The following DGKI variants were observed in gnomAD, a reference collection of about 807,000 sequenced individuals.
DGKI encodes the protein DAG kinase iota.
A neutral mutation model predicts 147.5 loss-of-function variants in DGKI; 55 were observed. That is an observed-to-expected ratio of 0.37 (90% CI 0.30 to 0.47). The LOEUF (loss-of-function observed/expected upper bound fraction) is 0.47. DGKI is among the 20% of genes least tolerant of loss of function. DGKI has a pLI of 1.00. For synonymous variants in DGKI, 469 were observed against 477.1 expected (o/e 0.98, Z 0.22); for missense variants, 1,007 against 1,323.8 (o/e 0.76, Z 3.71).
chr7:137,578,466 G>C, intron 15 of DGKI, 141 bp from the exon 16 acceptor site: 1 of 651,740 alleles, frequency 1.5e-6, no homozygotes, highest in Non-Finnish European at 2.8e-6. Flanking sequence ...CTTTCCCCCA[G>C]TTCCAGGCCA....
rs113044571 is a variant in DGKI at position 137,654,371 on chromosome 7, C to T, written c.738+361G>A. On this transcript the variant is annotated intron_variant, in intron 5 of 32. Transcript: ENST00000614521. ...TATACCCACTCAAAATTGAAAAATG[C>T]ACTTAAAATCAACCAGAACACATGG... Among the ~76,000 whole-genome samples the T allele has an allele frequency of 8.2e-3, 1,250 of 152,236 alleles. 19 individuals are homozygous for T. Among genetic ancestry groups the T allele is most frequent in the African/African-American group, 0.029 (1,210 of 41,542 alleles).
chr7:137,541,200 T>C (rs1056934975), intron 20 of DGKI, among the ~76,000 whole-genome samples: 5 of 152,160 alleles, frequency 3.3e-5, no homozygotes, highest in African/African-American at 4.8e-5. Flanking sequence ...CATAGGTCAA[T>C]GGCACAGAAT....
At chr7:137,755,920 C>G (rs975423748) in intron 1 of DGKI, among the ~76,000 whole-genome samples, 1 of 152,178 alleles carries the variant, frequency 6.6e-6, no homozygotes, top group African/African-American at 2.4e-5. Context: ...GGTTCCTGGT[C>G]CAGTTCCTAA....
At chr7:137,392,140 A>AT (rs946151966) in intron 32 of DGKI, among the ~76,000 whole-genome samples, 19 of 152,122 alleles carry the variant, frequency 1.2e-4, no homozygotes, top group African/African-American at 3.6e-4. Context: ...TTTGTCATTA[A>AT]TTTTTTACAT....
At chr7:137,825,892 T>A (rs1798044791) in intron 1 of DGKI, among the ~76,000 whole-genome samples, 1 of 152,236 alleles carries the variant, frequency 6.6e-6, no homozygotes, top group African/African-American at 2.4e-5. Flanking sequence ...ACACTTTTTT[T>A]CATTTAAAAT....
intron 1 of DGKI, 38 bp from the exon 2 acceptor site, chr7:137,690,040 A>C (rs768666268): frequency 3.3e-6 from 5 of 1,529,192 alleles, no homozygotes; most frequent in Non-Finnish European, 4.4e-6. Flanking sequence ...AAACAAAGAA[A>C]AACCAACATC....
At chr7:137,504,788 T>C (rs190643818) in intron 21 of DGKI, among the ~76,000 whole-genome samples, 32 of 151,928 alleles carry the variant, frequency 2.1e-4, no homozygotes, top group African/African-American at 6.8e-4. Context: ...AGAAATAACA[T>C]AGGAGAAAAG....
At position 137,412,221 on chromosome 7, in the gene DGKI, A is replaced by C; in HGVS notation, c.2762-14T>G. 2 of 1,612,266 alleles carry C rather than the reference A, an allele frequency of 1.2e-6. No homozygotes were observed. The highest frequency in any genetic ancestry group is 8.5e-7 in the Non-Finnish European group (1 of 1,178,326). Reference sequence around the variant, plus strand: ...CCTGCAAAATTGCTGTGAAAGACAAAAGAGAGATGTCCCATTAGTAGAAGA... The same window carrying C: ...CCTGCAAAATTGCTGTGAAAGACAACAGAGAGATGTCCCATTAGTAGAAGA... On this transcript the variant is annotated splice_polypyrimidine_tract_variant and intron_variant, in intron 28 of 32. Transcript: ENST00000614521.
At chr7:137,471,331 C>A (rs1406144350) in intron 23 of DGKI, among the ~76,000 whole-genome samples, 1 of 152,082 alleles carries the variant, frequency 6.6e-6, no homozygotes, top group Non-Finnish European at 1.5e-5. Context: ...GCAGCTGAAG[C>A]CGCAGGTGTG....
intron 3 of DGKI, among the ~76,000 whole-genome samples, chr7:137,668,167 G>A (rs765950374): frequency 3.9e-5 from 6 of 152,204 alleles, no homozygotes; most frequent in Non-Finnish European, 8.8e-5. Flanking sequence ...TAAGAAATAT[G>A]ATATTTAACG....
At chr7:137,620,555 A>G (rs1375974007) in intron 7 of DGKI, among the ~76,000 whole-genome samples, 1 of 152,180 alleles carries the variant, frequency 6.6e-6, no homozygotes, top group African/African-American at 2.4e-5. Context: ...ACAAAGTACA[A>G]AGAGATTGCT....
At chr7:137,738,379 A>G (rs1454446639) in intron 1 of DGKI, among the ~76,000 whole-genome samples, 2 of 152,150 alleles carry the variant, frequency 1.3e-5, no homozygotes, top group Non-Finnish European at 2.9e-5. Context: ...TATACAAAGG[A>G]GAACTTTGGG....
chr7:137,675,618 G>A (rs1450986740), intron 3 of DGKI, among the ~76,000 whole-genome samples: 1 of 150,058 alleles, frequency 6.7e-6, no homozygotes, highest in Non-Finnish European at 1.5e-5. Context: ...CCGGGAGGCG[G>A]AGGTTGCAGT....
At chr7:137,628,890 GA>G (rs1172272802) in intron 6 of DGKI, among the ~76,000 whole-genome samples, 2 of 149,884 alleles carry the variant, frequency 1.3e-5, no homozygotes, top group East Asian at 1.9e-4. Context: ...GCTGAAACCA[GA>G]AAAAAAAAGG....
intron 24 of DGKI, among the ~76,000 whole-genome samples, chr7:137,468,819 A>G (rs1002892970): frequency 4.6e-5 from 7 of 152,146 alleles, no homozygotes; most frequent in African/African-American, 1.7e-4. Context: ...ATATCCTCTC[A>G]GATGCTCACC....
chr7:137,846,802 G>GGGCAGGTCCGCGCGCCGCT lies in DGKI; in HGVS notation c.42_60dup (p.Arg21SerfsTer157), dbSNP rs1185883005. The GGGCAGGTCCGCGCGCCGCT allele has an allele frequency of 6.2e-6, 7 of 1,121,454 alleles. No individual in the cohort carries two copies. Among genetic ancestry groups the GGGCAGGTCCGCGCGCCGCT allele is most frequent in the Non-Finnish European group, 7.6e-6 (7 of 917,762 alleles). The allele number at this position is 1,121,454 out of a possible 1,614,324, so 69.5% of individuals were successfully genotyped here. A position where few individuals can be genotyped will look rare whatever the true frequency, so the allele number is the denominator to read the frequency against. On this transcript the variant is annotated frameshift_variant, in exon 1 of 33. Transcript: ENST00000614521. LOFTEE classifies it high-confidence loss of function. The surrounding 1 kb of genome is among the most constrained non-coding windows in gnomAD (Gnocchi z 4.0). ...GCGGCGGCGGCGGCTGCAGGAGCGC[G>GGGCAGGTCCGCGCGCCGCT]GGCAGGTCCGCGCGCCGCTGGCAGG...
chr7:137,550,693 A>G (rs755911035), intron 20 of DGKI, among the ~76,000 whole-genome samples: 37 of 152,224 alleles, frequency 2.4e-4, no homozygotes, highest in Non-Finnish European at 4.3e-4. Context: ...TTAAAACTAA[A>G]TACCTGAAAA....
At chr7:137,843,337 G>T in intron 1 of DGKI, 2 of 764,694 alleles carry the variant, frequency 2.6e-6, no homozygotes, top group Non-Finnish European at 3.2e-6. Context: ...ATCTGTTGCA[G>T]CACCATAATT....
chr7:137,557,386 G>A (rs1818260262), intron 19 of DGKI, among the ~76,000 whole-genome samples: 2 of 152,076 alleles, frequency 1.3e-5, no homozygotes, highest in South Asian at 4.2e-4. Flanking sequence ...GAAAGCCAGT[G>A]GAAATGAATA....
Sources: allele counts gnomAD v4.1 joint callset (sites outside exome capture counted in the v4.1 genomes callset), GRCh38; gene constraint gnomAD v4.1.1; non-coding constraint Gnocchi (gnomAD v3.1); transcripts MANE v1.5; gene names NCBI Gene and HGNC (gene_info 2026-07-23, HGNC 2026-07-21).